Variants in WDR7 observed in about 807,000 individuals in gnomAD.
WDR7 encodes the protein WD repeat domain 7.
Under a neutral mutation model 169.4 loss-of-function variants are expected in WDR7, and 46 were observed. That is an observed-to-expected ratio of 0.27 (90% CI 0.21 to 0.35). The LOEUF (loss-of-function observed/expected upper bound fraction) is 0.35, where lower values mean the gene tolerates loss of function less well. Ranked by LOEUF, WDR7 falls within the 10% of genes least tolerant of loss-of-function variation. The probability of loss-of-function intolerance (pLI) is 1.00; values close to 1 mark genes in which losing one functional copy is unlikely to be tolerated. For missense variants in WDR7, 1,534 were observed against 1,859.3 expected (o/e 0.83, Z 3.22); for synonymous variants, 612 against 666.8 (o/e 0.92, Z 1.27).
chr18:56,674,116 A>G (rs1464149251), intron 2 of WDR7, among the ~76,000 whole-genome samples: 1 of 152,162 alleles, frequency 6.6e-6, no homozygotes, highest in Non-Finnish European at 1.5e-5. Flanking sequence ...GTGTGGACAC[A>G]TGATTTCAGT....
In WDR7 at chr18:56,966,613, A is replaced by G. The variant is rs79316976; in HGVS notation, c.4164+4084A>G. 7.7e-3 allele frequency among the ~76,000 whole-genome samples: 1,169 copies of G among 152,292 alleles called. 16 individuals are homozygous for G. The highest frequency in any genetic ancestry group is 0.027 in the African/African-American group (1,113 of 41,568). ...TCTAGTCTTCTAGTACTCTATAAGTAGTAGTCAAATTTGGGGAAAGTCAAA... is the reference window on the plus strand; with the variant it reads ...TCTAGTCTTCTAGTACTCTATAAGTGGTAGTCAAATTTGGGGAAAGTCAAA... On this transcript the variant is annotated intron_variant, in intron 26 of 27. Transcript: ENST00000254442.
intron 26 of WDR7, among the ~76,000 whole-genome samples, chr18:57,008,153 G>A (rs17684074): frequency 6.6e-6 from 1 of 151,832 alleles, no homozygotes; most frequent in East Asian, 1.9e-4. Flanking sequence ...GTCTTCTTTC[G>A]TTTGTGCCTT....
intron 21 of WDR7, among the ~76,000 whole-genome samples, chr18:56,923,109 A>C (rs2046750061): frequency 7.2e-6 from 1 of 139,120 alleles, no homozygotes; most frequent in Non-Finnish European, 1.6e-5. Flanking sequence ...CTTCCCCTCA[A>C]AAAAACAAAC....
intron 16 of WDR7, among the ~76,000 whole-genome samples, chr18:56,762,849 G>A (rs572570066): frequency 1.3e-3 from 196 of 149,558 alleles, no homozygotes; most frequent in Non-Finnish European, 2.2e-3. Flanking sequence ...CCATTTTGGC[G>A]AAATGCCTAT....
chr18:56,724,161 T>C (rs1598991689), intron 13 of WDR7, among the ~76,000 whole-genome samples: 1 of 136,536 alleles, frequency 7.3e-6, no homozygotes, highest in South Asian at 2.1e-4. Flanking sequence ...CTTGATTTGA[T>C]TTTTTTTTTT....
intron 21 of WDR7, among the ~76,000 whole-genome samples, chr18:56,921,811 G>GA (rs2046725864): frequency 6.6e-6 from 1 of 152,228 alleles, no homozygotes; most frequent in African/African-American, 2.4e-5. Context: ...TCACTCTCAG[G>GA]AAAAAATTGT....
chr18:56,923,986 C>A lies in WDR7; in HGVS notation c.3591C>A (p.Ile1197=), dbSNP rs137951158. 406 of 1,611,918 alleles carry A rather than the reference C, an allele frequency of 2.5e-4. No individual in the cohort carries two copies. The highest frequency in any genetic ancestry group is 3.1e-4 in the Non-Finnish European group (361 of 1,179,284). Residue 1197 remains isoleucine (I), a synonymous_variant, in exon 22 of 28, where the codon ATC becomes ATA. Coordinates refer to ENST00000254442, the MANE Select transcript of WDR7 (RefSeq NM_015285.3). ...CCAAACTTCCTCCACACAGCACTAT[C>A]CGAAGAACAGCCATTGATCTGATTG... ...PSPKLPPHST[I]RRTAIDLIGR...
chr18:56,808,747 GAT>G (rs2044818552), intron 19 of WDR7, among the ~76,000 whole-genome samples: 1 of 152,224 alleles, frequency 6.6e-6, no homozygotes, highest in African/African-American at 2.4e-5. Context: ...GCTTATGAAA[GAT>G]AATTTTTAGA....
intron 20 of WDR7, among the ~76,000 whole-genome samples, chr18:56,877,203 A>G (rs917158887): frequency 2.6e-5 from 4 of 152,190 alleles, no homozygotes; most frequent in Non-Finnish European, 5.9e-5. Context: ...ATAATTCCAT[A>G]CCAATAAATT....
intron 19 of WDR7, among the ~76,000 whole-genome samples, chr18:56,788,140 C>CT (rs2044430699): frequency 2.0e-5 from 3 of 152,016 alleles, no homozygotes; most frequent in Non-Finnish European, 4.4e-5. Flanking sequence ...AAAATACATC[C>CT]TTTTTTTGTT....
intron 21 of WDR7, among the ~76,000 whole-genome samples, chr18:56,887,565 A>AT (rs1203747287): frequency 6.6e-6 from 1 of 150,934 alleles, no homozygotes; most frequent in Non-Finnish European, 1.5e-5. Context: ...TGTCCTTGAT[A>AT]TTTTTTTTCC....
At chr18:57,022,032 G>C (rs1368591079) in intron 27 of WDR7, among the ~76,000 whole-genome samples, 1 of 152,122 alleles carries the variant, frequency 6.6e-6, no homozygotes, top group East Asian at 1.9e-4. Flanking sequence ...CTTTCTTCCA[G>C]AATATATCTC....
chr18:56,740,625 T>C (rs2043605695), intron 14 of WDR7, among the ~76,000 whole-genome samples: 1 of 152,236 alleles, frequency 6.6e-6, no homozygotes, highest in Non-Finnish European at 1.5e-5. Context: ...ATTTTAAATC[T>C]CTGCCTATCT....
chr18:56,715,912 A>G (rs59670281), intron 12 of WDR7, among the ~76,000 whole-genome samples: 4,444 of 152,260 alleles, frequency 0.029, 215 homozygotes, highest in African/African-American at 0.1. Context: ...AACCCTTTTT[A>G]TAAAATGAAT....
intron 20 of WDR7, among the ~76,000 whole-genome samples, chr18:56,816,375 A>G (rs2044971239): frequency 1.3e-5 from 2 of 152,326 alleles, no homozygotes; most frequent in Admixed American, 6.5e-5. Context: ...CAATAAACCT[A>G]CTAGCTGTGC....
chr18:56,870,937 A>G (rs1028651171), intron 20 of WDR7, among the ~76,000 whole-genome samples: 8 of 152,236 alleles, frequency 5.3e-5, no homozygotes, highest in Admixed American at 3.3e-4. Flanking sequence ...TAAACTCAAT[A>G]CAGTATACAG....
In WDR7 at chr18:56,794,533, T is replaced by TC. The variant is rs911065408; in HGVS notation, c.3190+12878dup. On this transcript the variant is annotated intron_variant, in intron 19 of 27. Coordinates refer to ENST00000254442, the MANE Select transcript of WDR7 (RefSeq NM_015285.3). ...ATTGTGCTAACAAGGATGGTCTCGATCTCCTGACCTTGTGATCTGCCTGCC... is the reference window on the plus strand; with the variant it reads ...ATTGTGCTAACAAGGATGGTCTCGATCCTCCTGACCTTGTGATCTGCCTGCC... Among the ~76,000 whole-genome samples the TC allele has an allele frequency of 2.2e-4, 34 of 151,918 alleles. 1 individual carries two copies. The highest frequency in any genetic ancestry group is 2.2e-3 in the Admixed American group (34 of 15,266).
chr18:56,964,603 A>T (rs1222725349), intron 26 of WDR7, among the ~76,000 whole-genome samples: 2 of 151,850 alleles, frequency 1.3e-5, no homozygotes, highest in African/African-American at 4.8e-5. Context: ...GGCCAGGCTG[A>T]TCTCAAATTT....
chr18:56,891,085 C>T (rs1356202170), intron 21 of WDR7: 1 of 152,068 alleles, frequency 6.6e-6, no homozygotes, highest in Non-Finnish European at 1.5e-5. Context: ...AATCTAGAAT[C>T]TTTTACAGTT....
Sources: gnomAD v4.1 joint callset for allele counts (sites outside exome capture counted in the v4.1 genomes callset) on GRCh38, gnomAD v4.1.1 for gene constraint, MANE v1.5 for transcripts, NCBI Gene and HGNC (gene_info 2026-07-23, HGNC 2026-07-21) for gene names.